Variants in ATOSB observed in about 807,000 individuals in gnomAD.
ATOSB encodes the protein atos homolog B, also known as atos homolog protein B.
At chr9:35,105,417 T>C in the ATOSB span, 1 of 1,575,224 alleles carries the variant, frequency 6.3e-7, no homozygotes, top group Non-Finnish European at 8.6e-7. The surrounding 1 kb of genome is among the most constrained non-coding windows in gnomAD (Gnocchi z 5.5). Flanking sequence ...CCAGGCTGGG[T>C]TCAGTGGCTC....
the ATOSB span, chr9:35,107,221 G>A: frequency 2.4e-5 from 21 of 878,498 alleles, no homozygotes; most frequent in Non-Finnish European, 3.4e-5. Context: ...TACTTGGGAG[G>A]CTGAGGTTGG....
chr9:35,107,842 A>AG, the ATOSB span: 3 of 1,597,690 alleles, frequency 1.9e-6, no homozygotes, highest in Admixed American at 1.7e-5. Context: ...GATGGGGGGC[A>AG]GGGGGGACTC....
the ATOSB span, chr9:35,108,726 C>G: frequency 2.0e-6 from 2 of 987,666 alleles, no homozygotes; most frequent in Non-Finnish European, 2.4e-6. Flanking sequence ...AGCTCCTGAG[C>G]TCAGCAGGAC....
the ATOSB span, chr9:35,108,139 C>G: frequency 6.3e-7 from 1 of 1,576,076 alleles, no homozygotes; most frequent in Non-Finnish European, 8.6e-7. Context: ...TGGTAGACCC[C>G]GGGGGATGTC....
chr9:35,108,190 G>A, the ATOSB span: 1 of 1,598,078 alleles, frequency 6.3e-7, no homozygotes, highest in Non-Finnish European at 8.5e-7. Context: ...AGGCCACCCT[G>A]GAGGGCCCCC....
chr9:35,111,533 C>G, the ATOSB span: 1 of 152,306 alleles, frequency 6.6e-6, no homozygotes. Flanking sequence ...CGCCCCGGCT[C>G]CGCGCCGCCG....
the ATOSB span, chr9:35,106,037 G>T: frequency 6.2e-7 from 1 of 1,605,026 alleles, no homozygotes; most frequent in Non-Finnish European, 8.5e-7. This position sits in a 1 kb window ranked among gnomAD's most constrained non-coding sequence, Gnocchi z 4.6. Flanking sequence ...CATCAGTCAA[G>T]GTGGGGACTA....
At chr9:35,110,272 C>G in the ATOSB span, 29 of 152,400 alleles carry the variant, frequency 1.9e-4, no homozygotes, top group African/African-American at 6.0e-4. Context: ...AAGGTACAAC[C>G]TGCACTAATT....
chr9:35,107,316 T>G, the ATOSB span: 6 of 1,154,016 alleles, frequency 5.2e-6, no homozygotes, highest in African/African-American at 1.3e-4. Flanking sequence ...TGAGATCCCA[T>G]CTCAAAAAAA....
the ATOSB span, among the ~76,000 whole-genome samples, chr9:35,114,759 CT>C: frequency 6.6e-6 from 1 of 152,204 alleles, no homozygotes; most frequent in African/African-American, 2.4e-5. Context: ...CACTTCCCCC[CT>C]CCCACAGAAG....
At chr9:35,109,886 C>G in the ATOSB span, 3 of 152,482 alleles carry the variant, frequency 2.0e-5, no homozygotes, top group Non-Finnish European at 1.5e-5. Context: ...CTCCATCCAA[C>G]CCCAAGTACA....
the ATOSB span, among the ~76,000 whole-genome samples, chr9:35,113,376 A>C: frequency 6.6e-6 from 1 of 152,190 alleles, no homozygotes; most frequent in Non-Finnish European, 1.5e-5. Flanking sequence ...CTGTAATCCC[A>C]GCACTTTGGG....
the ATOSB span, chr9:35,108,493 T>C: frequency 7.8e-7 from 1 of 1,284,624 alleles, no homozygotes; most frequent in Non-Finnish European, 1.0e-6. Flanking sequence ...CTGGATGGAC[T>C]AATGGAATAT....
the ATOSB span, among the ~76,000 whole-genome samples, chr9:35,114,179 TG>T: frequency 6.6e-6 from 1 of 152,194 alleles, no homozygotes; most frequent in Admixed American, 6.5e-5. Context: ...AGCAAACTGA[TG>T]CCCTTTCTCT....
At chr9:35,104,671 G>A in the ATOSB span, 35 of 394,786 alleles carry the variant, frequency 8.9e-5, no homozygotes, top group Non-Finnish European at 1.8e-4. Flanking sequence ...GGGAAGCTGA[G>A]TCTTTGGCTA....
the ATOSB span, chr9:35,105,585 A>C: frequency 7.6e-7 from 1 of 1,319,938 alleles, no homozygotes; most frequent in South Asian, 1.4e-5. This position sits in a 1 kb window ranked among gnomAD's most constrained non-coding sequence, Gnocchi z 5.5. Flanking sequence ...TTAAAAATAA[A>C]CTAAGCAAGA....
chr9:35,114,222 A>C, the ATOSB span, among the ~76,000 whole-genome samples: 2 of 152,164 alleles, frequency 1.3e-5, no homozygotes, highest in Non-Finnish European at 2.9e-5. Context: ...AAACCGCCCC[A>C]GTCCTGAGGA....
chr9:35,110,950 A>G, the ATOSB span: 1 of 152,230 alleles, frequency 6.6e-6, no homozygotes, highest in East Asian at 1.9e-4. Flanking sequence ...TTGTCCCTAC[A>G]TACATCCACA....
At chr9:35,107,775 C>T in the ATOSB span, 6 of 1,562,602 alleles carry the variant, frequency 3.8e-6, no homozygotes, top group East Asian at 1.1e-4. Flanking sequence ...GGACCCCTGT[C>T]CCCCTGGATC....
Sources: allele counts gnomAD v4.1 joint callset (sites outside exome capture counted in the v4.1 genomes callset), GRCh38; gene constraint gnomAD v4.1.1; non-coding constraint Gnocchi (gnomAD v3.1); transcripts MANE v1.5; gene names NCBI Gene and HGNC (gene_info 2026-07-23, HGNC 2026-07-21).